Variants in CNTNAP2 observed in about 807,000 individuals in gnomAD.
CNTNAP2 encodes contactin associated protein 2, also known as contactin-associated protein-like 2.
CNTNAP2 carries 98 observed loss-of-function variants against 155.2 expected under a neutral mutation model. That is an observed-to-expected ratio of 0.63 (90% confidence interval 0.54 to 0.75). The LOEUF (loss-of-function observed/expected upper bound fraction) is 0.75, where lower values mean the gene tolerates loss of function less well. Among genes scored for constraint, CNTNAP2 ranks in the 30% least tolerant of loss-of-function variants. CNTNAP2 has a pLI of 0.00. For synonymous variants in CNTNAP2, 651 were observed against 631.2 expected (o/e 1.03, Z -0.47); for missense variants, 1,727 against 1,688.1 (o/e 1.02, Z -0.40).
chr7:148,364,528 C>T (rs181018130), intron 21 of CNTNAP2, among the ~76,000 whole-genome samples: 2 of 152,072 alleles, frequency 1.3e-5, no homozygotes, highest in African/African-American at 4.8e-5. Context: ...TTTGTAAATA[C>T]ACCAATCAGC....
intron 1 of CNTNAP2, among the ~76,000 whole-genome samples, chr7:146,200,708 T>C (rs1798847671): frequency 6.6e-6 from 1 of 152,134 alleles, no homozygotes; most frequent in African/African-American, 2.4e-5. Context: ...GTCTAGTAGA[T>C]TATGCCATCT....
chr7:146,952,464 A>G (rs983779240), intron 3 of CNTNAP2, among the ~76,000 whole-genome samples: 4 of 152,156 alleles, frequency 2.6e-5, no homozygotes, highest in African/African-American at 9.7e-5. Flanking sequence ...AATGTATTCA[A>G]AAAGGAAAAG....
chr7:148,330,707 G>A (rs1296717058), intron 21 of CNTNAP2, among the ~76,000 whole-genome samples: 2 of 150,874 alleles, frequency 1.3e-5, no homozygotes, highest in Non-Finnish European at 2.9e-5. Context: ...CGGATGGAGT[G>A]GGTGAAGTGG....
chr7:147,801,947 CG>C (rs1554436619), intron 13 of CNTNAP2, among the ~76,000 whole-genome samples: 13 of 144,858 alleles, frequency 9.0e-5, no homozygotes, highest in Non-Finnish European at 9.1e-5. Flanking sequence ...GCTGGCCGGG[CG>C]GGGGGCTGAC....
At chr7:146,544,759 C>G in intron 1 of CNTNAP2, among the ~76,000 whole-genome samples, 1 of 151,288 alleles carries the variant, frequency 6.6e-6, no homozygotes, top group East Asian at 1.9e-4. Flanking sequence ...CCTGCTGAGC[C>G]GGGCTCTAGT....
chr7:147,188,843 G>C (rs1802621868), intron 8 of CNTNAP2, among the ~76,000 whole-genome samples: 1 of 152,174 alleles, frequency 6.6e-6, no homozygotes, highest in African/African-American at 2.4e-5. Context: ...AAAAAAATGT[G>C]AATAATAATT....
At chr7:147,526,849 T>A (rs1437217881) in intron 11 of CNTNAP2, among the ~76,000 whole-genome samples, 1 of 151,952 alleles carries the variant, frequency 6.6e-6, no homozygotes, top group East Asian at 1.9e-4. Context: ...TAACTTGGGA[T>A]TTGGGGACTT....
At chr7:146,826,851 T>G (rs372095724) in intron 2 of CNTNAP2, among the ~76,000 whole-genome samples, 5,146 of 142,370 alleles carry the variant, frequency 0.036, 123 homozygotes, top group East Asian at 0.046. Context: ...TATATATATA[T>G]ATATATAGAG....
In CNTNAP2 at chr7:148,334,206, G is replaced by A. The variant is rs544956082; in HGVS notation, c.3476-49443G>A. Among the ~76,000 whole-genome samples the A allele has an allele frequency of 2.0e-4, 30 of 152,306 alleles. 1 individual carries two copies. Among genetic ancestry groups the A allele is most frequent in the Admixed American group, 2.0e-3 (30 of 15,292 alleles). On this transcript the variant is annotated intron_variant, in intron 21 of 23. Coordinates refer to ENST00000361727, the MANE Select transcript of CNTNAP2 (RefSeq NM_014141.6). ...TGTGTCTGACCTGGAATTCAGGCAT[G>A]TCTGGGGCTAGGAAGGTTTTGGGTT...
chr7:146,903,471 C>G (rs1310106891), intron 3 of CNTNAP2, among the ~76,000 whole-genome samples: 1 of 152,156 alleles, frequency 6.6e-6, no homozygotes, highest in African/African-American at 2.4e-5. Context: ...CAAAATAAAA[C>G]AAAATGAAAC....
chr7:147,851,658 G>A (rs1321572305), intron 13 of CNTNAP2, among the ~76,000 whole-genome samples: 1 of 150,458 alleles, frequency 6.6e-6, no homozygotes, highest in African/African-American at 2.4e-5. Context: ...ACTATCACAA[G>A]GACAGAAAAC....
chr7:146,810,103 A>G (rs1563240492), intron 2 of CNTNAP2, among the ~76,000 whole-genome samples: 2 of 152,144 alleles, frequency 1.3e-5, no homozygotes, highest in South Asian at 2.1e-4. Flanking sequence ...TTGTGGAGAC[A>G]TCTTTTTCCT....
intron 1 of CNTNAP2, among the ~76,000 whole-genome samples, chr7:146,534,308 T>C (rs1176555916): frequency 1.3e-5 from 2 of 152,120 alleles, no homozygotes; most frequent in Non-Finnish European, 2.9e-5. Flanking sequence ...AAGTAAAATA[T>C]GCAGAGTGCC....
intron 1 of CNTNAP2, among the ~76,000 whole-genome samples, chr7:146,284,277 C>T (rs753622428): frequency 4.6e-5 from 7 of 151,982 alleles, no homozygotes; most frequent in Non-Finnish European, 7.4e-5. Flanking sequence ...AGTAATGTAG[C>T]GCCAAAGTAT....
chr7:147,763,029 T>A lies in CNTNAP2; in HGVS notation c.2098+123723T>A, dbSNP rs142680085. Among the ~76,000 whole-genome samples the A allele has an allele frequency of 4.7e-4, 71 of 152,142 alleles. No homozygotes were observed. In the East Asian group the frequency reaches 0.012, roughly 25 times the overall value. On this transcript the variant is annotated intron_variant, in intron 13 of 23. Coordinates refer to ENST00000361727, the MANE Select transcript of CNTNAP2 (RefSeq NM_014141.6). ...ATCCTAGCATTTTGGGAGGCCAATG[T>A]GAGCAGATCACCTGAAGTCGGGAGT...
rs181516923 is a variant in CNTNAP2 at position 147,573,598 on chromosome 7, G to A, written c.1897+11341G>A. ...GGCAGCAGGGCATGGAGGACAGAGC[G>A]GGAAGTTTGTTAGTACATTGTAGAA... On this transcript the variant is annotated intron_variant, in intron 12 of 23. Transcript: ENST00000361727. Among the ~76,000 whole-genome samples the A allele has an allele frequency of 4.9e-3, 742 of 152,242 alleles. 5 individuals are homozygous for A. The highest frequency in any genetic ancestry group is 6.4e-3 in the Non-Finnish European group (433 of 68,010).
chr7:147,706,657 C>G (rs1056262131), intron 13 of CNTNAP2, among the ~76,000 whole-genome samples: 1 of 152,132 alleles, frequency 6.6e-6, no homozygotes, highest in Non-Finnish European at 1.5e-5. Flanking sequence ...CTTCCTGTAT[C>G]TGGATGTCTA....
At chr7:146,282,055 GAA>G (rs1279121496) in intron 1 of CNTNAP2, among the ~76,000 whole-genome samples, 2 of 152,078 alleles carry the variant, frequency 1.3e-5, no homozygotes, top group Non-Finnish European at 2.9e-5. Context: ...AGAGGAGAAA[GAA>G]AAAGTTTATG....
At chr7:146,703,874 T>C (rs1800918735) in intron 1 of CNTNAP2, among the ~76,000 whole-genome samples, 3 of 152,134 alleles carry the variant, frequency 2.0e-5, no homozygotes. Flanking sequence ...ATTTGTTCCA[T>C]TTGTCTTTCC....
Sources: gnomAD v4.1 joint callset for allele counts (sites outside exome capture counted in the v4.1 genomes callset) on GRCh38, gnomAD v4.1.1 for gene constraint, MANE v1.5 for transcripts, NCBI Gene and HGNC (gene_info 2026-07-23, HGNC 2026-07-21) for gene names.